Variants in TRRAP observed in about 807,000 individuals in gnomAD.
TRRAP encodes the protein transformation/transcription domain associated protein.
A neutral mutation model predicts 438.8 loss-of-function variants in TRRAP; 41 were observed. That is an observed-to-expected ratio of 0.09 (90% confidence interval 0.07 to 0.12). TRRAP has a LOEUF of 0.12. Among genes scored for constraint, TRRAP ranks in the 10% least tolerant of loss-of-function variants. TRRAP has a pLI of 1.00. For missense variants in TRRAP, 3,122 were observed against 5,055.1 expected (o/e 0.62, Z 11.60); for synonymous variants, 1,994 against 1,962.9 (o/e 1.02, Z -0.42).
Position 99,011,032 on chromosome 7 carries a change from C to G in TRRAP, c.10939-20C>G, listed in dbSNP as rs753508162. Reference sequence around the variant, plus strand: ...AAATCAGTGAGTGAGATGGGAGTGTCACGGAGCGCTGTGTTTCAGGTCCTC... The same window carrying G: ...AAATCAGTGAGTGAGATGGGAGTGTGACGGAGCGCTGTGTTTCAGGTCCTC... On this transcript the variant is annotated intron_variant, in intron 70 of 72. Transcript: ENST00000456197. The surrounding 1 kb of genome is among the most constrained non-coding windows in gnomAD (Gnocchi z 7.1). 1.9e-6 allele frequency: 3 copies of G among 1,605,432 alleles called. No homozygotes were observed. The highest frequency in any genetic ancestry group is 2.6e-6 in the Non-Finnish European group (3 of 1,173,264).
At chr7:99,004,136 G>A (rs2116856842) in intron 67 of TRRAP, 54 bp from the exon 68 acceptor site, 3 of 1,544,592 alleles carry the variant, frequency 1.9e-6, no homozygotes, top group East Asian at 2.2e-5. Flanking sequence ...TTTGCAGTGT[G>A]TTAGAACTGG....
intron 31 of TRRAP, among the ~76,000 whole-genome samples, chr7:98,943,318 A>C (rs149266991): frequency 3.7e-4 from 57 of 152,274 alleles, no homozygotes; most frequent in African/African-American, 1.4e-3. Context: ...GCTCTGCTTT[A>C]AACAGTGTAT....
intron 31 of TRRAP, among the ~76,000 whole-genome samples, chr7:98,945,393 C>A (rs1176289212): frequency 6.6e-6 from 1 of 152,092 alleles, no homozygotes; most frequent in Non-Finnish European, 1.5e-5. Context: ...ATTATCTTAG[C>A]CCTTCATATA....
At chr7:98,903,085 G>C (rs1285028678) in intron 11 of TRRAP, among the ~76,000 whole-genome samples, 3 of 151,778 alleles carry the variant, frequency 2.0e-5, no homozygotes, top group Non-Finnish European at 4.4e-5. Context: ...GCAGTGGCTT[G>C]ATCTTGCCTC....
chr7:98,932,971 T>C (rs1221047388), intron 26 of TRRAP, among the ~76,000 whole-genome samples: 2 of 151,318 alleles, frequency 1.3e-5, no homozygotes, highest in African/African-American at 2.4e-5. Context: ...CTGGTAGTTT[T>C]ATTCTTGTTT....
chr7:98,931,505 T>A lies in TRRAP; in HGVS notation c.3692T>A (p.Val1231Glu). The A allele has an allele frequency of 6.2e-7, 1 of 1,614,122 alleles. No homozygotes were observed. Among genetic ancestry groups the A allele is most frequent in the Non-Finnish European group, 8.5e-7 (1 of 1,179,980 alleles). Residue 1231 changes from valine (V) to glutamate (E), a missense_variant, in exon 26 of 73, where the codon GTG becomes GAG. Val to Glu is a moderately radical substitution (Grantham distance 121, BLOSUM62 -2). This residue lies in a region of TRRAP where 153 missense variants were observed against 223.0 expected (regional missense o/e 0.69). Transcript: ENST00000456197. ...LKDEERAEEI[V>E]AAQEKSFHHV... ...GACGAGGAGAGAGCCGAAGAGATCG[T>A]GGCCGCCCAGGAAAAGTCTTTCCAC... is the stretch of plus-strand genomic sequence containing the variant.
In TRRAP at chr7:98,948,426, G is replaced by A. The variant is rs782141269; in HGVS notation, c.4668+86G>A. 6.8e-5 allele frequency: 109 copies of A among 1,610,026 alleles called. No individual in the cohort carries two copies. The highest frequency in any genetic ancestry group is 8.9e-5 in the Non-Finnish European group (105 of 1,178,020). On this transcript the variant is annotated intron_variant, in intron 34 of 72. Transcript: ENST00000456197. This position sits in a 1 kb window ranked among gnomAD's most constrained non-coding sequence, Gnocchi z 4.9. ...CACTTGATCGTATTTTCAATGGACG[G>A]AACAGCATAAAGACGTTCGATGTCA...
chr7:98,903,335 C>T (rs1796558925), intron 11 of TRRAP, 44 bp from the exon 12 acceptor site: 1 of 1,598,330 alleles, frequency 6.3e-7, no homozygotes. Context: ...TTTCTTAACA[C>T]TCTCCTATCC....
intron 12 of TRRAP, among the ~76,000 whole-genome samples, chr7:98,905,515 A>G (rs1295432263): frequency 6.6e-6 from 1 of 152,174 alleles, no homozygotes; most frequent in Non-Finnish European, 1.5e-5. Context: ...CATCCTCAGA[A>G]GCCTGAATTG....
intron 3 of TRRAP, among the ~76,000 whole-genome samples, 197 bp from the exon 4 acceptor site, chr7:98,890,138 A>G (rs1795902864): frequency 6.6e-6 from 1 of 152,230 alleles, no homozygotes; most frequent in Admixed American, 6.5e-5. Flanking sequence ...AAAAGTTAGC[A>G]TTTAGTTTTC....
Position 98,962,240 on chromosome 7 carries a change from G to A in TRRAP, c.6704-62G>A. On this transcript the variant is annotated intron_variant, in intron 46 of 72. Transcript: ENST00000456197. Reference sequence around the variant, plus strand: ...CCAAGCAGCCAGCACTCAGTCCCTGGCATCAGCACTGGTGGGCCCAAGAGC... The same window carrying A: ...CCAAGCAGCCAGCACTCAGTCCCTGACATCAGCACTGGTGGGCCCAAGAGC... 2.5e-6 allele frequency: 4 copies of A among 1,609,388 alleles called. No individual in the cohort carries two copies. The South Asian group carries it at 4.4e-5, about 18-fold the overall frequency.
intron 22 of TRRAP, among the ~76,000 whole-genome samples, chr7:98,925,643 A>G (rs962488382): frequency 2.0e-5 from 3 of 152,218 alleles, no homozygotes; most frequent in Admixed American, 6.5e-5. Flanking sequence ...ATCTTTCTCC[A>G]GATATTTCTC....
intron 12 of TRRAP, among the ~76,000 whole-genome samples, chr7:98,903,966 C>T (rs115742494): frequency 1.2e-4 from 18 of 152,164 alleles, no homozygotes; most frequent in East Asian, 3.9e-4. Flanking sequence ...TCCACCACCA[C>T]GCCCGGTTAA....
At chr7:98,988,687 A>G in intron 62 of TRRAP, 78 bp from the exon 63 acceptor site, 2 of 1,519,170 alleles carry the variant, frequency 1.3e-6, no homozygotes, top group East Asian at 2.4e-5. Context: ...TGTTCATTTT[A>G]TAATGGTTAA....
chr7:98,984,697 C>T (rs1793076368), intron 61 of TRRAP, among the ~76,000 whole-genome samples: 1 of 152,062 alleles, frequency 6.6e-6, no homozygotes, highest in Non-Finnish European at 1.5e-5. Flanking sequence ...ACCGACCAGA[C>T]CTATAAAGCT....
chr7:98,933,199 A>AG, intron 26 of TRRAP, 42 bp from the exon 27 acceptor site: 1 of 1,562,848 alleles, frequency 6.4e-7, no homozygotes, highest in Non-Finnish European at 8.7e-7. Flanking sequence ...TTGTGTCTCA[A>AG]GGGGCAGCTG....
chr7:99,012,496 T>C lies in TRRAP; in HGVS notation c.*141T>C. 9.5e-7 allele frequency: 1 copy of C among 1,054,256 alleles called. No individual in the cohort carries two copies. The highest frequency in any genetic ancestry group is 1.3e-6 in the Non-Finnish European group (1 of 750,250). 65.3% of individuals were successfully genotyped at this position (1,054,256 alleles called of 1,614,324 possible). A position where few individuals can be genotyped will look rare whatever the true frequency, so the allele number is the denominator to read the frequency against. ...GGGTTGCGGTTATTTTCCTGGTAGT[T>C]TGCGTGTAAGAAAGGGAGAATATAG... On this transcript the variant is annotated 3_prime_UTR_variant, in exon 73 of 73. Coordinates refer to ENST00000456197, the MANE Select transcript of TRRAP (RefSeq NM_001375524.1). The surrounding 1 kb of genome is among the most constrained non-coding windows in gnomAD (Gnocchi z 5.9).
chr7:98,999,946 T>G (rs1280212697), intron 67 of TRRAP: 5 of 250,408 alleles, frequency 2.0e-5, no homozygotes, highest in Non-Finnish European at 3.8e-5. Context: ...TATGAGGAAT[T>G]GTTAATAACA....
intron 61 of TRRAP, 118 bp from the exon 62 acceptor site, chr7:98,984,826 A>T: frequency 1.7e-6 from 1 of 581,096 alleles, no homozygotes; most frequent in Non-Finnish European, 3.0e-6. Flanking sequence ...TCTTTTGTCA[A>T]TTTAAAGTAC....
Sources: gnomAD v4.1 joint callset for allele counts (sites outside exome capture counted in the v4.1 genomes callset) on GRCh38, gnomAD v4.1.1 for gene constraint, gnomAD v4.1.1 regional missense constraint, Gnocchi (gnomAD v3.1) non-coding constraint, MANE v1.5 for transcripts, NCBI Gene and HGNC (gene_info 2026-07-23, HGNC 2026-07-21) for gene names.